Variants in CSMD1 observed in about 807,000 individuals in gnomAD.
CSMD1 encodes the protein CUB and Sushi multiple domains 1.
Under a neutral mutation model 417.5 loss-of-function variants are expected in CSMD1, and 213 were observed. The ratio of observed to expected loss-of-function variants is 0.51; its 90% CI spans 0.46 to 0.57. The LOEUF is 0.57. Among genes scored for constraint, CSMD1 ranks in the 20% least tolerant of loss-of-function variants. The pLI is 0.00. For missense variants in CSMD1, 6,923 were observed against 4,529.7 expected, an observed-to-expected ratio of 1.53 and a Z score of -15.17; for synonymous variants, 2,862 against 1,736.8, an observed-to-expected ratio of 1.65 and a Z score of -16.11.
At chr8:4,700,689 T>A (rs1041925097) in intron 1 of CSMD1, among the ~76,000 whole-genome samples, 1 of 152,188 alleles carries the variant, frequency 6.6e-6, no homozygotes. Context: ...ATTCTACCTG[T>A]ATATGATATT....
intron 3 of CSMD1, among the ~76,000 whole-genome samples, chr8:4,305,655 C>T (rs1798205278): frequency 1.3e-5 from 2 of 152,186 alleles, no homozygotes; most frequent in African/African-American, 2.4e-5. Context: ...GGCATAACAT[C>T]CTCAACCAGC....
intron 12 of CSMD1, among the ~76,000 whole-genome samples, chr8:3,428,510 G>T (rs1813998770): frequency 6.6e-6 from 1 of 151,654 alleles, no homozygotes; most frequent in South Asian, 2.1e-4. Flanking sequence ...AAATGATGGG[G>T]AAAAAAAAGA....
At chr8:4,724,860 G>C (rs558198092) in intron 1 of CSMD1, among the ~76,000 whole-genome samples, 1 of 152,092 alleles carries the variant, frequency 6.6e-6, no homozygotes, top group Admixed American at 6.5e-5. Context: ...TCTGACGGAA[G>C]TATACTTCAC....
intron 6 of CSMD1, among the ~76,000 whole-genome samples, chr8:3,739,789 A>G (rs1796700551): frequency 5.6e-5 from 1 of 18,014 alleles, no homozygotes; most frequent in African/African-American, 6.1e-5. Context: ...CAATGGAAAA[A>G]GGTAAAAAAA....
chr8:3,829,313 C>A (rs1426155500), intron 5 of CSMD1, among the ~76,000 whole-genome samples: 1 of 152,172 alleles, frequency 6.6e-6, no homozygotes, highest in Non-Finnish European at 1.5e-5. Flanking sequence ...TTCACTTATT[C>A]TACAATCACC....
intron 1 of CSMD1, among the ~76,000 whole-genome samples, chr8:4,788,758 A>T (rs1444491504): frequency 6.6e-6 from 1 of 152,170 alleles, no homozygotes; most frequent in African/African-American, 2.4e-5. Context: ...CCTAAAAAAA[A>T]TAAAAAAAAA....
At chr8:4,402,785 T>G (rs962422234) in intron 3 of CSMD1, among the ~76,000 whole-genome samples, 1 of 149,388 alleles carries the variant, frequency 6.7e-6, no homozygotes, top group South Asian at 2.1e-4. Flanking sequence ...GTGAGTATAA[T>G]GTCCTCACTT....
intron 2 of CSMD1, among the ~76,000 whole-genome samples, chr8:4,549,182 C>G (rs868547528): frequency 5.9e-5 from 9 of 152,124 alleles, no homozygotes; most frequent in African/African-American, 2.2e-4. Context: ...TTCCTCTCAG[C>G]TGACTTGATT....
At chr8:3,939,434 C>A (rs1360849283) in intron 5 of CSMD1, among the ~76,000 whole-genome samples, 1 of 152,082 alleles carries the variant, frequency 6.6e-6, no homozygotes, top group Non-Finnish European at 1.5e-5. Context: ...ACTACAACTA[C>A]TATGAAAGAC....
At chr8:3,733,952 C>T (rs1179646157) in intron 6 of CSMD1, among the ~76,000 whole-genome samples, 1 of 151,974 alleles carries the variant, frequency 6.6e-6, no homozygotes, top group Non-Finnish European at 1.5e-5. Context: ...CCACTGGGGT[C>T]CTGAAACTTA....
chr8:3,431,100 T>G (rs1407658600), intron 12 of CSMD1, among the ~76,000 whole-genome samples: 1 of 152,032 alleles, frequency 6.6e-6, no homozygotes, highest in Non-Finnish European at 1.5e-5. Flanking sequence ...TTCTAGACAG[T>G]AAGGAGCCCA....
chr8:3,195,135 A>G (rs553914643), intron 33 of CSMD1, among the ~76,000 whole-genome samples: 2 of 152,304 alleles, frequency 1.3e-5, no homozygotes, highest in Admixed American at 1.3e-4. Context: ...TAGGCCTTTT[A>G]TGAAAACAGC....
intron 10 of CSMD1, among the ~76,000 whole-genome samples, chr8:3,554,714 G>A (rs1169411322): frequency 6.6e-6 from 1 of 152,212 alleles, no homozygotes; most frequent in Non-Finnish European, 1.5e-5. Flanking sequence ...TAATCAGAAT[G>A]TTGAGAGCTT....
At chr8:4,094,160 C>A (rs1343082987) in intron 3 of CSMD1, among the ~76,000 whole-genome samples, 1 of 152,028 alleles carries the variant, frequency 6.6e-6, no homozygotes, top group Non-Finnish European at 1.5e-5. Context: ...CACAGCCGTG[C>A]ACACGAATGT....
At chr8:4,888,103 T>C (rs1803872360) in intron 1 of CSMD1, among the ~76,000 whole-genome samples, 1 of 152,014 alleles carries the variant, frequency 6.6e-6, no homozygotes, top group Non-Finnish European at 1.5e-5. Flanking sequence ...ATGTACACTC[T>C]TAATTATAAA....
chr8:3,137,675 C>T (rs562385113), intron 41 of CSMD1, among the ~76,000 whole-genome samples: 3 of 152,308 alleles, frequency 2.0e-5, no homozygotes, highest in African/African-American at 7.2e-5. Flanking sequence ...TCTTATAATA[C>T]TGAACACAAA....
intron 1 of CSMD1, among the ~76,000 whole-genome samples, chr8:4,752,169 T>A (rs1811374320): frequency 6.6e-6 from 1 of 152,128 alleles, no homozygotes; most frequent in Non-Finnish European, 1.5e-5. Flanking sequence ...TCCTTACCAC[T>A]TCTCTAGGAA....
chr8:4,065,585 C>G (rs574515303), intron 3 of CSMD1, among the ~76,000 whole-genome samples: 6 of 152,066 alleles, frequency 3.9e-5, no homozygotes, highest in African/African-American at 1.2e-4. Flanking sequence ...AAGATGTATT[C>G]TTGCTCAAAT....
intron 2 of CSMD1, among the ~76,000 whole-genome samples, chr8:4,588,492 C>A: frequency 6.6e-6 from 1 of 151,768 alleles, no homozygotes; most frequent in Non-Finnish European, 1.5e-5. Flanking sequence ...GTTTTCTTTC[C>A]TGTTTAAGAA....
Sources: allele counts gnomAD v4.1 joint callset (sites outside exome capture counted in the v4.1 genomes callset), GRCh38; gene constraint gnomAD v4.1.1; transcripts MANE v1.5; gene names NCBI Gene and HGNC (gene_info 2026-07-23, HGNC 2026-07-21).